The following TRIM58 variants were observed in gnomAD, a reference collection of about 807,000 sequenced individuals.
The protein encoded by TRIM58 is tripartite motif containing 58.
TRIM58 carries 38 observed loss-of-function variants against 34.1 expected under a neutral mutation model. The ratio of observed to expected loss-of-function variants is 1.12; its 90% confidence interval spans 0.86 to 1.46. The LOEUF is 1.46. Ranked by LOEUF, TRIM58 falls within the 40% of genes most tolerant of loss-of-function variation. The probability of loss-of-function intolerance (pLI) is 0.00; values close to 1 mark genes in which losing one functional copy is unlikely to be tolerated. For missense variants in TRIM58, 677 were observed against 642.0 expected, an observed-to-expected ratio of 1.05 and a Z score of -0.59; for synonymous variants, 273 against 275.7, an observed-to-expected ratio of 0.99 and a Z score of 0.10.
rs760428256 is a variant in TRIM58 at position 247,857,419 on chromosome 1, C to T, written c.173C>T (p.Pro58Leu). ...DGAQGGVYAC[P>L]QCRGPFRPSG... The stretch of plus-strand genomic sequence containing the variant: ...GCGCAGGGCGGCGTCTACGCCTGTC[C>T]GCAGTGCCGGGGCCCCTTCCGGCCC... Residue 58 changes from proline (P) to leucine (L), a missense_variant, in exon 1 of 6, where the codon CCG (proline) becomes CTG (leucine). Coordinates refer to ENST00000366481, the MANE Select transcript of TRIM58 (RefSeq NM_015431.4). 6.7e-7 allele frequency: 1 copy of T among 1,496,458 alleles called. No homozygotes were observed. Among genetic ancestry groups the T allele is most frequent in the Non-Finnish European group, 8.9e-7 (1 of 1,119,548 alleles). The allele number at this position is 1,496,458 out of a possible 1,614,324, so 92.7% of individuals were successfully genotyped here. A position where few individuals can be genotyped will look rare whatever the true frequency, so the allele number is the denominator to read the frequency against.
chr1:247,875,562 G>A (rs1052075409), intron 5 of TRIM58, among the ~76,000 whole-genome samples: 3 of 149,104 alleles, frequency 2.0e-5, no homozygotes, highest in African/African-American at 4.9e-5. Flanking sequence ...TCTCTCTCAC[G>A]CACACACACA....
rs143492252 is a variant in TRIM58, at chr1:247,873,429, A to G, written c.872-2471A>G. Among the ~76,000 whole-genome samples, 370 of 152,296 alleles carry G rather than the reference A, an allele frequency of 2.4e-3. 1 individual carries two copies. Among genetic ancestry groups the G allele is most frequent in the African/African-American group, 8.1e-3 (336 of 41,552 alleles). Reference sequence around the variant, plus strand: ...TCTTTTGTTAGAAATGAAGCAGACCACTGTGCCGGAAGAGGAATGGCTTGG... The same window carrying G: ...TCTTTTGTTAGAAATGAAGCAGACCGCTGTGCCGGAAGAGGAATGGCTTGG... On this transcript the variant is annotated intron_variant, in intron 5 of 5. Coordinates refer to ENST00000366481, the MANE Select transcript of TRIM58 (RefSeq NM_015431.4).
intron 3 of TRIM58, among the ~76,000 whole-genome samples, chr1:247,865,750 CAT>C (rs1663903308): frequency 6.6e-6 from 1 of 152,162 alleles, no homozygotes; most frequent in South Asian, 2.1e-4. Flanking sequence ...TTGATAGATC[CAT>C]GTTTTCTTGG....
chr1:247,869,766 A>G (rs186089084), intron 5 of TRIM58, among the ~76,000 whole-genome samples: 3 of 152,344 alleles, frequency 2.0e-5, no homozygotes, highest in South Asian at 2.1e-4. Flanking sequence ...CCCTTTCCCT[A>G]TGAATGTTTG....
In TRIM58 at chr1:247,857,197, A is replaced by T; in HGVS notation, c.-50A>T. 7.7e-7 allele frequency: 1 copy of T among 1,302,884 alleles called. No homozygotes were observed. Among genetic ancestry groups the T allele is most frequent in the Non-Finnish European group, 9.8e-7 (1 of 1,021,596 alleles). 80.7% of individuals were successfully genotyped at this position (1,302,884 alleles called of 1,614,324 possible). On this transcript the variant is annotated 5_prime_UTR_variant, in exon 1 of 6. Coordinates refer to ENST00000366481, the MANE Select transcript of TRIM58 (RefSeq NM_015431.4). ...GGCTCCTCCCCCTGTGCAGACCGCG[A>T]GGGGAGACGGTGCGGGCGGCCGGGA...
rs2103325765 is a variant in TRIM58 at position 247,864,755 on chromosome 1, T to C, written c.567T>C (p.His189=). 2 of 1,614,168 alleles carry C rather than the reference T, an allele frequency of 1.2e-6. No homozygotes were observed. Among genetic ancestry groups the C allele is most frequent in the South Asian group, 1.1e-5 (1 of 91,080 alleles). ...GCTTCAGATTGGAGTTTGAGAAGCA[T>C]CGTGGCTTTCTGGCCCAGGAGGAGC... ...RQRFRLEFEK[H]RGFLAQEEQR... is the part of the protein sequence containing the mutation. Residue 189 remains histidine, a synonymous_variant, in exon 3 of 6, where the codon CAT becomes CAC. Transcript: ENST00000366481.
chr1:247,870,525 CAGTAT>C (rs1290557965), intron 5 of TRIM58, among the ~76,000 whole-genome samples: 16 of 32,342 alleles, frequency 4.9e-4, no homozygotes, highest in Non-Finnish European at 7.1e-4. Context: ...TATTCATGAG[CAGTAT>C]CAGAGTCACG....
At position 247,876,802 on chromosome 1, in the gene TRIM58, C is replaced by T. The variant is rs4925753; in HGVS notation, c.*313C>T. Reference sequence around the variant, plus strand: ...ATGCATTCATTATAATTTGTTATTCCTTTCAATATCCTTGTATTTCAAATC... The same window carrying T: ...ATGCATTCATTATAATTTGTTATTCTTTTCAATATCCTTGTATTTCAAATC... On this transcript the variant is annotated 3_prime_UTR_variant, in exon 6 of 6. Transcript: ENST00000366481. 0.1 allele frequency: 30,201 copies of T among 298,092 alleles called. 1,730 individuals are homozygous for T. The highest frequency in any genetic ancestry group is 0.16 in the Admixed American group (3,412 of 21,072). The allele number at this position is 298,092 out of a possible 1,614,324, so 18.5% of individuals were successfully genotyped here.
intron 5 of TRIM58, among the ~76,000 whole-genome samples, chr1:247,875,533 G>A (rs112175377): frequency 4.0e-5 from 6 of 150,858 alleles, no homozygotes; most frequent in South Asian, 2.1e-4. Flanking sequence ...GCAAGACCCC[G>A]TCTCTCTGTC....
intron 5 of TRIM58, among the ~76,000 whole-genome samples, chr1:247,869,149 C>T (rs1664001442): frequency 6.6e-6 from 1 of 152,224 alleles, no homozygotes; most frequent in Non-Finnish European, 1.5e-5. Context: ...ATCTGCCTGC[C>T]TCGGCCTCCT....
chr1:247,869,126 C>G (rs1056943342), intron 5 of TRIM58, among the ~76,000 whole-genome samples: 1 of 152,206 alleles, frequency 6.6e-6, no homozygotes, highest in Admixed American at 6.5e-5. Context: ...TCTCGAACTC[C>G]TGACCTCAAA....
chr1:247,863,795 G>A (rs1394623147), intron 2 of TRIM58, among the ~76,000 whole-genome samples: 1 of 152,112 alleles, frequency 6.6e-6, no homozygotes, highest in Non-Finnish European at 1.5e-5. Context: ...ATGTTCCTTA[G>A]GTCTATTCAG....
At position 247,876,068 on chromosome 1, in the gene TRIM58, A is replaced by G; in HGVS notation, c.1040A>G (p.Tyr347Cys). 1.2e-6 allele frequency: 2 copies of G among 1,614,154 alleles called. No homozygotes were observed. The highest frequency in any genetic ancestry group is 2.7e-5 in the African/African-American group (2 of 75,032). Residue 347 changes from tyrosine (Y) to cysteine (C), a missense_variant, in exon 6 of 6, where the codon TAC becomes TGC. Coordinates refer to ENST00000366481, the MANE Select transcript of TRIM58 (RefSeq NM_015431.4). Reference protein sequence around the residue: ...GLQSFSSGRHYWEVLVGEGAE... With the variant: ...GLQSFSSGRHCWEVLVGEGAE... ...CAGAGCTTCTCATCAGGGAGGCATTACTGGGAGGTTCTGGTGGGAGAAGGA... is the reference window on the plus strand; with the variant it reads ...CAGAGCTTCTCATCAGGGAGGCATTGCTGGGAGGTTCTGGTGGGAGAAGGA...
At chr1:247,869,217 T>G (rs1572575687) in intron 5 of TRIM58, among the ~76,000 whole-genome samples, 1 of 152,186 alleles carries the variant, frequency 6.6e-6, no homozygotes, top group African/African-American at 2.4e-5. Context: ...TCAGTTATTT[T>G]GGGTTTTTAT....
chr1:247,868,097 C>T, intron 5 of TRIM58, 34 bp downstream of exon 5: 1 of 1,550,562 alleles, frequency 6.4e-7, no homozygotes, highest in Non-Finnish European at 8.8e-7. Context: ...AATTAGGCTG[C>T]CTGGGGTTTG....
rs996118409 is a variant in TRIM58 at position 247,862,714 on chromosome 1, C to T, written c.517-1991C>T. Among the ~76,000 whole-genome samples the T allele has an allele frequency of 3.9e-5, 6 of 152,244 alleles. 1 individual carries two copies. The highest frequency in any genetic ancestry group is 1.4e-4 in the African/African-American group (6 of 41,534). ...CTTAAGTAGGGATGATACTAAGATC[C>T]CTGTTCTAAGCCAAGTAAACTTGCA... On this transcript the variant is annotated intron_variant, in intron 2 of 5. Coordinates refer to ENST00000366481, the MANE Select transcript of TRIM58 (RefSeq NM_015431.4).
chr1:247,858,614 A>G (rs1016735797), intron 1 of TRIM58, among the ~76,000 whole-genome samples: 7 of 151,952 alleles, frequency 4.6e-5, no homozygotes, highest in Admixed American at 6.6e-5. Context: ...TTCTCTACCA[A>G]TATCTCTCTT....
intron 5 of TRIM58, among the ~76,000 whole-genome samples, chr1:247,873,159 GA>G (rs1659190022): frequency 6.6e-6 from 1 of 152,172 alleles, no homozygotes; most frequent in Admixed American, 6.5e-5. Context: ...GAACCCGGGA[GA>G]TGGGGGTTGC....
chr1:247,862,491 C>T (rs539443266), intron 2 of TRIM58, among the ~76,000 whole-genome samples: 36 of 152,170 alleles, frequency 2.4e-4, no homozygotes, highest in South Asian at 1.0e-3. Flanking sequence ...AAATAATGTT[C>T]ATTACTTGCC....
Sources: allele counts gnomAD v4.1 joint callset (sites outside exome capture counted in the v4.1 genomes callset), GRCh38; gene constraint gnomAD v4.1.1; transcripts MANE v1.5; gene names NCBI Gene and HGNC (gene_info 2026-07-23, HGNC 2026-07-21).